AP3B1: variants seen among roughly 807,000 people sequenced by gnomAD.
AP3B1 encodes adaptor related protein complex 3 subunit beta 1, also known as AP-3 complex subunit beta-1.
A neutral mutation model predicts 132.5 loss-of-function variants in AP3B1; 61 were observed. That is an observed-to-expected ratio of 0.46 (90% CI 0.37 to 0.57). The LOEUF (loss-of-function observed/expected upper bound fraction) is 0.57, where lower values mean the gene tolerates loss of function less well. Ranked by LOEUF, AP3B1 falls within the 20% of genes least tolerant of loss-of-function variation. The probability of loss-of-function intolerance (pLI) is 0.00; values close to 1 mark genes in which losing one functional copy is unlikely to be tolerated. For synonymous variants in AP3B1, 388 were observed against 438.3 expected (o/e 0.89, Z 1.43); for missense variants, 1,120 against 1,289.4 (o/e 0.87, Z 2.01).
chr5:78,199,170 TCAATTGCCCA>T (rs996922777), intron 7 of AP3B1, among the ~76,000 whole-genome samples: 51 of 152,192 alleles, frequency 3.4e-4, no homozygotes, highest in Admixed American at 9.8e-4. Context: ...ACTTCAGTGT[TCAATTGCCCA>T]CAACACATCT....
At chr5:78,175,892 G>A in intron 9 of AP3B1, 54 bp from the exon 10 acceptor site, 1 of 1,262,886 alleles carries the variant, frequency 7.9e-7, no homozygotes, top group Non-Finnish European at 1.2e-6. Context: ...AAACATCTTT[G>A]AGTAAGCACT....
At chr5:78,094,323 A>T (rs1750678603) in intron 21 of AP3B1, among the ~76,000 whole-genome samples, 2 of 152,100 alleles carry the variant, frequency 1.3e-5, no homozygotes, top group Non-Finnish European at 2.9e-5. Context: ...TTGTTAACTG[A>T]CCCCCATGAA....
Position 78,200,188 on chromosome 5 carries a change from G to A in AP3B1, c.786+15867C>T, listed in dbSNP as rs578247701. 6.6e-5 allele frequency among the ~76,000 whole-genome samples: 10 copies of A among 152,016 alleles called. No homozygotes were observed. The South Asian group carries it at 1.9e-3, about 28-fold the overall frequency. On this transcript the variant is annotated intron_variant, in intron 7 of 26. Transcript: ENST00000255194. ...ATGACAGCTCCATGGGTGTACAGGAGTCATCATTCAAACATAAATGGGTGC... is the reference window on the plus strand; with the variant it reads ...ATGACAGCTCCATGGGTGTACAGGAATCATCATTCAAACATAAATGGGTGC...
chr5:78,023,042 A>T (rs1747171787), intron 24 of AP3B1, among the ~76,000 whole-genome samples: 1 of 152,204 alleles, frequency 6.6e-6, no homozygotes, highest in African/African-American at 2.4e-5. Context: ...GGTGGGTAGC[A>T]CTGGGCAAGG....
chr5:78,025,911 C>T (rs567083357), intron 24 of AP3B1, among the ~76,000 whole-genome samples: 70 of 152,272 alleles, frequency 4.6e-4, no homozygotes, highest in African/African-American at 1.3e-3. Flanking sequence ...GTAAGCAAGG[C>T]GTGGCTTATA....
intron 2 of AP3B1, among the ~76,000 whole-genome samples, chr5:78,255,779 T>C (rs966676287): frequency 6.6e-6 from 1 of 152,124 alleles, no homozygotes; most frequent in African/African-American, 2.4e-5. Context: ...ATCCAAGAGC[T>C]GCAAAATATA....
At chr5:78,189,248 TA>T (rs1480481735) in intron 7 of AP3B1, among the ~76,000 whole-genome samples, 5 of 151,882 alleles carry the variant, frequency 3.3e-5, no homozygotes, top group Admixed American at 6.6e-5. Context: ...TAAAATTATT[TA>T]AAAAAAAATT....
intron 7 of AP3B1, among the ~76,000 whole-genome samples, chr5:78,198,943 A>G (rs1258024462): frequency 6.6e-6 from 1 of 152,240 alleles, no homozygotes; most frequent in South Asian, 2.1e-4. Context: ...TCTATGTAAA[A>G]CAACAAAGGA....
At chr5:78,101,872 T>G (rs1378750855) in intron 20 of AP3B1, among the ~76,000 whole-genome samples, 2 of 152,196 alleles carry the variant, frequency 1.3e-5, no homozygotes, top group East Asian at 3.9e-4. Context: ...TAAATATAAT[T>G]GAGTCAAAGT....
intron 22 of AP3B1, among the ~76,000 whole-genome samples, chr5:78,054,495 G>C (rs964365060): frequency 7.0e-6 from 1 of 142,906 alleles, no homozygotes; most frequent in Non-Finnish European, 1.5e-5. Context: ...AATCTTGGTA[G>C]TAACAATGAT....
intron 7 of AP3B1, among the ~76,000 whole-genome samples, chr5:78,209,095 T>TAC (rs141012498): frequency 1.2e-3 from 184 of 150,050 alleles, no homozygotes; most frequent in South Asian, 2.7e-3. Context: ...GAAAGGTAAA[T>TAC]ACACACACAC....
chr5:78,084,852 C>T (rs1034647866), intron 22 of AP3B1, among the ~76,000 whole-genome samples: 10 of 152,034 alleles, frequency 6.6e-5, no homozygotes, highest in African/African-American at 2.2e-4. Context: ...TACAATTTTA[C>T]AAAATTTAGA....
At chr5:78,160,045 T>C (rs1005435823) in intron 13 of AP3B1, among the ~76,000 whole-genome samples, 2 of 152,212 alleles carry the variant, frequency 1.3e-5, no homozygotes, top group Admixed American at 1.3e-4. Flanking sequence ...ATAGGTGGTA[T>C]AGTCCTACAT....
chr5:78,070,575 T>C (rs1053584867), intron 22 of AP3B1, among the ~76,000 whole-genome samples: 1 of 151,872 alleles, frequency 6.6e-6, no homozygotes, highest in African/African-American at 2.4e-5. Flanking sequence ...TTAATTAAAC[T>C]AAAGAGCTTC....
intron 2 of AP3B1, among the ~76,000 whole-genome samples, 180 bp from the exon 3 acceptor site, chr5:78,241,116 T>C (rs182188000): frequency 6.6e-6 from 1 of 152,186 alleles, no homozygotes; most frequent in Admixed American, 6.5e-5. Flanking sequence ...CACAAATACA[T>C]AGACACAATA....
chr5:78,177,069 A>G (rs1047402002), intron 9 of AP3B1, among the ~76,000 whole-genome samples: 4 of 152,164 alleles, frequency 2.6e-5, no homozygotes, highest in African/African-American at 7.2e-5. Context: ...TCAAACACTA[A>G]TACTAGGCTA....
intron 2 of AP3B1, among the ~76,000 whole-genome samples, chr5:78,241,816 T>TA (rs1306307039): frequency 6.6e-6 from 1 of 152,224 alleles, no homozygotes; most frequent in Non-Finnish European, 1.5e-5. Flanking sequence ...AAACTCATCT[T>TA]TCATGACAAA....
At chr5:78,008,065 A>G (rs1746471769) in intron 26 of AP3B1, among the ~76,000 whole-genome samples, 1 of 152,126 alleles carries the variant, frequency 6.6e-6, no homozygotes, top group Admixed American at 6.5e-5. Context: ...TATCAGGCCA[A>G]TGATGCATTC....
chr5:78,160,030 T>C (rs77501809), intron 13 of AP3B1, among the ~76,000 whole-genome samples: 6,242 of 152,324 alleles, frequency 0.041, 193 homozygotes, highest in East Asian at 0.13. Flanking sequence ...GCTGTAACAT[T>C]CTACATAGGT....
Sources: gnomAD v4.1 joint callset for allele counts (sites outside exome capture counted in the v4.1 genomes callset) on GRCh38, gnomAD v4.1.1 for gene constraint, MANE v1.5 for transcripts, NCBI Gene and HGNC (gene_info 2026-07-23, HGNC 2026-07-21) for gene names.